GRIP1: variants seen among roughly 807,000 people sequenced by gnomAD.
The protein encoded by GRIP1 is glutamate receptor interacting protein 1.
A neutral mutation model predicts 129.9 loss-of-function variants in GRIP1; 45 were observed. The observed-to-expected ratio is 0.35, with a 90% CI of 0.27 to 0.44. The LOEUF is 0.44. GRIP1 is among the 20% of genes least tolerant of loss of function. GRIP1 has a pLI of 1.00. For missense variants in GRIP1, 1,196 were observed against 1,396.8 expected, an observed-to-expected ratio of 0.86 and a Z score of 2.29; for synonymous variants, 530 against 520.8, an observed-to-expected ratio of 1.02 and a Z score of -0.24.
intron 1 of GRIP1, among the ~76,000 whole-genome samples, chr12:66,834,437 T>C (rs1396256153): frequency 1.3e-5 from 2 of 152,154 alleles, no homozygotes; most frequent in African/African-American, 4.8e-5. Flanking sequence ...GTGACTCAAT[T>C]AATACAGATA....
upstream of GRIP1, among the ~76,000 whole-genome samples, chr12:66,680,746 A>G (rs2034552805): frequency 6.6e-6 from 1 of 152,172 alleles, no homozygotes; most frequent in Non-Finnish European, 1.5e-5. Context: ...CAAATCTAAC[A>G]TATTTCCTAA....
intron 1 of GRIP1, among the ~76,000 whole-genome samples, chr12:66,639,948 CCAA>C (rs1189963584): frequency 7.2e-5 from 11 of 152,144 alleles, no homozygotes; most frequent in African/African-American, 2.7e-4. Context: ...TCCTGAATGA[CCAA>C]CAACCCCTTG....
intron 1 of GRIP1, among the ~76,000 whole-genome samples, chr12:66,610,937 A>G (rs2064766434): frequency 6.6e-6 from 1 of 152,190 alleles, no homozygotes; most frequent in South Asian, 2.1e-4. Flanking sequence ...TGATTTGGGT[A>G]CTGATTTTAA....
chr12:66,458,066 C>T (rs992708946), intron 9 of GRIP1, among the ~76,000 whole-genome samples: 6 of 152,224 alleles, frequency 3.9e-5, no homozygotes, highest in African/African-American at 1.2e-4. Context: ...TTATTTTTCA[C>T]TCAACAAATT....
At chr12:66,549,106 A>G (rs2062040406) in intron 2 of GRIP1, among the ~76,000 whole-genome samples, 1 of 152,200 alleles carries the variant, frequency 6.6e-6, no homozygotes, top group African/African-American at 2.4e-5. Flanking sequence ...AAATTTTGAA[A>G]TGCTGGTGTC....
chr12:66,810,316 G>T (rs946894343), intron 1 of GRIP1, among the ~76,000 whole-genome samples: 5 of 152,134 alleles, frequency 3.3e-5, no homozygotes, highest in Non-Finnish European at 7.3e-5. Flanking sequence ...CCAGCACTTT[G>T]GGAGGCCAAG....
In GRIP1 at chr12:66,854,888, C is replaced by T. The variant is rs2039976132; in HGVS notation, c.58+214162G>A. Among the ~76,000 whole-genome samples, 3 of 152,034 alleles carry T rather than the reference C, an allele frequency of 2.0e-5. No individual in the cohort carries two copies. The South Asian group carries it at 6.2e-4, about 32-fold the overall frequency. On this transcript the variant is annotated intron_variant, in intron 1 of 1. Coordinates refer to the GRIP1 transcript ENST00000643019. ...CTATACAGCAAATAACATAGAGAAA[C>T]CCCAAATACTTTCACTATTGAGTTC...
intron 2 of GRIP1, among the ~76,000 whole-genome samples, chr12:66,572,066 A>G (rs1243420971): frequency 6.6e-6 from 1 of 152,162 alleles, no homozygotes; most frequent in African/African-American, 2.4e-5. Flanking sequence ...TGTGCTGCCC[A>G]CCCATGGAAC....
intron 1 of GRIP1, among the ~76,000 whole-genome samples, chr12:66,641,540 AT>A (rs2136089702): frequency 6.6e-6 from 1 of 152,382 alleles, no homozygotes; most frequent in East Asian, 1.9e-4. Flanking sequence ...TATAAAAATT[AT>A]CACACATGAA....
At position 66,363,200 on chromosome 12, in the gene GRIP1, C is replaced by CTATATATATAT. The variant is rs1565666281; in HGVS notation, c.3012+8493_3012+8494insATATATATATA. ...ATATGTATATATGTGTGTGTGTGTC[C>CTATATATATAT]ATATATATATATATATATATATATA... On this transcript the variant is annotated intron_variant, in intron 23 of 24. Transcript: ENST00000359742. 4.3e-3 allele frequency among the ~76,000 whole-genome samples: 380 copies of CTATATATATAT among 88,238 alleles called. 33 individuals carry two copies. Among genetic ancestry groups the CTATATATATAT allele is most frequent in the East Asian group, 6.3e-3 (19 of 3,010 alleles). The allele number at this position is 88,238 out of a possible 152,430, so 57.9% of individuals were successfully genotyped here.
intron 1 of GRIP1, among the ~76,000 whole-genome samples, chr12:66,811,982 T>A (rs2039112833): frequency 6.6e-6 from 1 of 152,180 alleles, no homozygotes; most frequent in Admixed American, 6.5e-5. Flanking sequence ...TAAAGCCATT[T>A]CTTTGGCCCC....
chr12:66,515,899 A>C, intron 6 of GRIP1, 135 bp from the exon 7 acceptor site: 2 of 736,100 alleles, frequency 2.7e-6, no homozygotes, highest in Non-Finnish European at 4.9e-6. Flanking sequence ...TAAGCATCAA[A>C]TGTGACAGTA....
At chr12:66,710,985 G>A (rs2136398435) in intron 1 of GRIP1, among the ~76,000 whole-genome samples, 1 of 151,884 alleles carries the variant, frequency 6.6e-6, no homozygotes, top group Non-Finnish European at 1.5e-5. Context: ...GTTTGGCTCG[G>A]ATATGGTAGA....
chr12:66,792,293 T>A (rs976006349), intron 1 of GRIP1, among the ~76,000 whole-genome samples: 4 of 152,152 alleles, frequency 2.6e-5, no homozygotes, highest in Admixed American at 6.6e-5. Flanking sequence ...AGTAGCATGA[T>A]CATGGCTCAC....
chr12:66,364,664 T>A (rs886897793), intron 23 of GRIP1, among the ~76,000 whole-genome samples: 5 of 152,196 alleles, frequency 3.3e-5, no homozygotes, highest in African/African-American at 9.7e-5. Flanking sequence ...TATTTTATCT[T>A]ATGTAAAAAT....
chr12:66,514,306 A>T (rs181209372), intron 7 of GRIP1, among the ~76,000 whole-genome samples: 59 of 152,246 alleles, frequency 3.9e-4, no homozygotes, highest in Admixed American at 3.2e-3. Flanking sequence ...TAATGTTAAC[A>T]ATCCACTTGT....
At chr12:66,462,801 CA>C (rs34456744) in intron 9 of GRIP1, 122 bp downstream of exon 9, 75,723 of 353,806 alleles carry the variant, frequency 0.21, 848 homozygotes, top group African/African-American at 0.32. Context: ...GACTCCATCT[CA>C]AAAAAAAAAA....
rs191238492 is a variant in GRIP1, at chr12:67,064,669, G to A, written c.58+4381C>T. The stretch of plus-strand genomic sequence containing the variant: ...GTGGGTGGGGTCACCAGATCTCCTC[G>A]ATATGGGTGATTTGGGAAATGAAAC... On this transcript the variant is annotated intron_variant, in intron 1 of 1. Coordinates refer to the GRIP1 transcript ENST00000643019. 1.1e-4 allele frequency among the ~76,000 whole-genome samples: 16 copies of A among 152,294 alleles called. No homozygotes were observed. In the East Asian group the frequency reaches 1.9e-3, roughly 18 times the overall value.
chr12:66,997,445 A>T (rs2042484842), intron 1 of GRIP1, among the ~76,000 whole-genome samples: 1 of 152,202 alleles, frequency 6.6e-6, no homozygotes, highest in Non-Finnish European at 1.5e-5. Flanking sequence ...CAGGAGAATA[A>T]GAAAAGTAGG....
Sources: gnomAD v4.1 joint callset for allele counts (sites outside exome capture counted in the v4.1 genomes callset) on GRCh38, gnomAD v4.1.1 for gene constraint, MANE v1.5 for transcripts, NCBI Gene and HGNC (gene_info 2026-07-23, HGNC 2026-07-21) for gene names.